Variants in MEF2C observed in about 807,000 individuals in gnomAD.
The protein encoded by MEF2C is myocyte-specific enhancer factor 2C.
A neutral mutation model predicts 50.5 loss-of-function variants in MEF2C; 6 were observed. The observed-to-expected ratio is 0.12, with a 90% CI of 0.07 to 0.23. MEF2C has a LOEUF of 0.23. Among genes scored for constraint, MEF2C ranks in the 10% least tolerant of loss-of-function variants. The pLI is 1.00. For missense variants in MEF2C, 276 were observed against 605.0 expected (o/e 0.46, Z 5.70); for synonymous variants, 183 against 228.0 (o/e 0.80, Z 1.78).
intron 1 of MEF2C, among the ~76,000 whole-genome samples, chr5:88,861,643 T>C (rs1825570956): frequency 6.6e-6 from 1 of 152,180 alleles, no homozygotes; most frequent in Non-Finnish European, 1.5e-5. Flanking sequence ...CTGATAAATA[T>C]GCCCCTTTTC....
Position 88,717,298 on chromosome 5 carries a change from C to T in MEF2C, c.*5306G>A, listed in dbSNP as rs1755090102. 1 of 152,260 alleles carries T rather than the reference C, an allele frequency of 6.6e-6. No individual in the cohort carries two copies. Among genetic ancestry groups the T allele is most frequent in the Admixed American group, 6.5e-5 (1 of 15,282 alleles). 9.4% of individuals were successfully genotyped at this position (152,260 alleles called of 1,614,324 possible). A position where few individuals can be genotyped will look rare whatever the true frequency, so the allele number is the denominator to read the frequency against. On this transcript the variant is annotated 3_prime_UTR_variant, in exon 11 of 11. Transcript: ENST00000504921. ...CCCACCTTCAAAATCAAGTGAAAGG[C>T]TTCTGCTGGGTGGATGAGGAAGTGT...
chr5:88,853,067 G>GA (rs1821975107), intron 1 of MEF2C, among the ~76,000 whole-genome samples: 1 of 152,070 alleles, frequency 6.6e-6, no homozygotes, highest in Non-Finnish European at 1.5e-5. Context: ...CTGTAAAACT[G>GA]AAAAAAATTA....
At position 88,794,005 on chromosome 5, in the gene MEF2C, T is replaced by C. The variant is rs112215043; in HGVS notation, c.258+10593A>G. On this transcript the variant is annotated intron_variant, in intron 3 of 10. Transcript: ENST00000504921. ...TTTTTTATGGCTGCATAGTATTCCATGGCGTATATGTGCCACATTTTCTTT... is the reference window on the plus strand; with the variant it reads ...TTTTTTATGGCTGCATAGTATTCCACGGCGTATATGTGCCACATTTTCTTT... Among the ~76,000 whole-genome samples the C allele has an allele frequency of 5.9e-5, 9 of 152,354 alleles. 1 individual carries two copies. Among genetic ancestry groups the C allele is most frequent in the East Asian group, 1.9e-4 (1 of 5,192 alleles).
At chr5:88,824,133 C>T in intron 1 of MEF2C, 1 of 888,710 alleles carries the variant, frequency 1.1e-6, no homozygotes, top group Non-Finnish European at 1.4e-6. Flanking sequence ...TTAAAATGAT[C>T]TCATAAGTAA....
chr5:88,794,009 G>A (rs538699935), intron 3 of MEF2C, among the ~76,000 whole-genome samples: 25 of 152,268 alleles, frequency 1.6e-4, no homozygotes, highest in African/African-American at 3.4e-4. Context: ...ATTCCATGGC[G>A]TATATGTGCC....
chr5:88,769,008 C>T (rs1458346798), intron 3 of MEF2C, among the ~76,000 whole-genome samples: 1 of 151,966 alleles, frequency 6.6e-6, no homozygotes, highest in African/African-American at 2.4e-5. Flanking sequence ...TCTTTTAATG[C>T]CAGAAAGTCA....
chr5:88,765,614 C>A (rs905549830), intron 3 of MEF2C, among the ~76,000 whole-genome samples: 4 of 152,180 alleles, frequency 2.6e-5, no homozygotes, highest in Non-Finnish European at 5.9e-5. Flanking sequence ...CTAGCAAAAT[C>A]AAAATCTCTG....
intron 1 of MEF2C, among the ~76,000 whole-genome samples, chr5:88,897,424 G>A (rs970493802): frequency 6.6e-6 from 1 of 152,164 alleles, no homozygotes; most frequent in Non-Finnish European, 1.5e-5. Flanking sequence ...AAACTCCACA[G>A]GTCAGTGATG....
intron 1 of MEF2C, among the ~76,000 whole-genome samples, chr5:88,869,318 C>CACATATATATAT (rs1828771865): frequency 1.2e-5 from 1 of 80,860 alleles, no homozygotes; most frequent in Non-Finnish European, 2.6e-5. Flanking sequence ...TATATATACA[C>CACATATATATAT]ATATAGCTTC....
At chr5:88,869,310 T>C (rs1204504407) in intron 1 of MEF2C, among the ~76,000 whole-genome samples, 1 of 120,014 alleles carries the variant, frequency 8.3e-6, no homozygotes, top group African/African-American at 3.3e-5. Context: ...TATATATATA[T>C]ATATACACAT....
intron 1 of MEF2C, among the ~76,000 whole-genome samples, chr5:88,863,334 C>T (rs1826117934): frequency 6.6e-6 from 1 of 152,220 alleles, no homozygotes; most frequent in Non-Finnish European, 1.5e-5. Flanking sequence ...CCATGAAACA[C>T]TTAGTGAAAA....
intron 1 of MEF2C, among the ~76,000 whole-genome samples, chr5:88,868,648 G>A (rs1004825501): frequency 6.6e-6 from 1 of 152,126 alleles, no homozygotes; most frequent in African/African-American, 2.4e-5. Flanking sequence ...TTAAGGAGAA[G>A]AGAGAGAGGC....
At chr5:88,751,070 C>A in intron 5 of MEF2C, 2 of 982,730 alleles carry the variant, frequency 2.0e-6, no homozygotes, top group Non-Finnish European at 2.4e-6. Flanking sequence ...TTGGTTCCTA[C>A]TGTTAGTTTA....
At chr5:88,793,720 G>A (rs559486421) in intron 3 of MEF2C, among the ~76,000 whole-genome samples, 5 of 152,104 alleles carry the variant, frequency 3.3e-5, no homozygotes, top group South Asian at 2.1e-4. Context: ...AAGTATACAC[G>A]TGCCATGGTG....
chr5:88,846,195 G>A (rs1819286382), intron 1 of MEF2C, among the ~76,000 whole-genome samples: 1 of 151,800 alleles, frequency 6.6e-6, no homozygotes, highest in Non-Finnish European at 1.5e-5. Context: ...TAGCCTCCTG[G>A]TAGCTGGGAC....
At chr5:88,894,814 GT>G (rs1164481930) in intron 1 of MEF2C, among the ~76,000 whole-genome samples, 1 of 152,134 alleles carries the variant, frequency 6.6e-6, no homozygotes, top group Non-Finnish European at 1.5e-5. Context: ...TAAATTAATA[GT>G]TATAGATCAT....
intron 1 of MEF2C, among the ~76,000 whole-genome samples, chr5:88,830,764 G>A (rs1480281141): frequency 6.6e-6 from 1 of 151,946 alleles, no homozygotes; most frequent in Non-Finnish European, 1.5e-5. Flanking sequence ...TCTTTCAAAG[G>A]CCTCTGAGTG....
rs181781776 is a variant in MEF2C at position 88,738,574 on chromosome 5, A to G, written c.638-6673T>C. ...TGATTTGAACCCAAGCAGTATGTCC[A>G]GAGTCCATGCCCTGAAGTACAACAC... is the stretch of plus-strand genomic sequence containing the variant. On this transcript the variant is annotated intron_variant, in intron 6 of 10. Coordinates refer to ENST00000504921, the MANE Select transcript of MEF2C (RefSeq NM_002397.5). 3.5e-5 allele frequency: 34 copies of G among 974,816 alleles called. No individual in the cohort carries two copies. The Admixed American group carries it at 1.7e-3, about 48-fold the overall frequency. The allele number at this position is 974,816 out of a possible 1,614,324, so 60.4% of individuals were successfully genotyped here. A position where few individuals can be genotyped will look rare whatever the true frequency, so the allele number is the denominator to read the frequency against.
At chr5:88,825,403 G>T in intron 1 of MEF2C, 2 of 806,802 alleles carry the variant, frequency 2.5e-6, no homozygotes, top group Non-Finnish European at 3.0e-6. Context: ...CTAAACTGCA[G>T]CTCAGTTCTG....
Sources: gnomAD v4.1 joint callset for allele counts (sites outside exome capture counted in the v4.1 genomes callset) on GRCh38, gnomAD v4.1.1 for gene constraint, MANE v1.5 for transcripts, NCBI Gene and HGNC (gene_info 2026-07-23, HGNC 2026-07-21) for gene names.